BBS9: variants seen among roughly 807,000 people sequenced by gnomAD.
The protein encoded by BBS9 is Bardet-Biedl syndrome 9, also known as protein PTHB1.
Under a neutral mutation model 117.7 loss-of-function variants are expected in BBS9, and 89 were observed. That is an observed-to-expected ratio of 0.76 (90% CI 0.64 to 0.90). The LOEUF (loss-of-function observed/expected upper bound fraction) is 0.90, where lower values mean the gene tolerates loss of function less well. BBS9 is among the 40% of genes least tolerant of loss of function. BBS9 has a pLI of 0.00. For missense variants in BBS9, 982 were observed against 1,042.2 expected, an observed-to-expected ratio of 0.94 and a Z score of 0.80; for synonymous variants, 379 against 370.9, an observed-to-expected ratio of 1.02 and a Z score of -0.25.
In BBS9 at chr7:33,374,553, T is replaced by C. The variant is rs186377847; in HGVS notation, c.1789+6691T>C. Among the ~76,000 whole-genome samples the C allele has an allele frequency of 1.5e-4, 23 of 152,256 alleles. No individual in the cohort carries two copies. The East Asian group carries it at 4.5e-3, about 29-fold the overall frequency. ...GAAAAAGCCTGTTGAAAAGTAAGCG[T>C]TGAGAAACAATCCTTAGTTGCTAAT... On this transcript the variant is annotated intron_variant, in intron 17 of 22. Coordinates refer to ENST00000242067, the MANE Select transcript of BBS9 (RefSeq NM_198428.3).
At chr7:33,141,062 C>G (rs1791374548) in intron 1 of BBS9, among the ~76,000 whole-genome samples, 1 of 152,006 alleles carries the variant, frequency 6.6e-6, no homozygotes, top group South Asian at 2.1e-4. Context: ...TGATCAAAAC[C>G]ATCAAATTTG....
chr7:33,525,027 A>G (rs1849257420), intron 20 of BBS9, among the ~76,000 whole-genome samples: 1 of 151,994 alleles, frequency 6.6e-6, no homozygotes, highest in South Asian at 2.1e-4. Context: ...ATTCAGGAGC[A>G]GGTTGTTCAG....
chr7:33,146,263 T>G lies in BBS9; in HGVS notation c.11T>G (p.Phe4Cys), dbSNP rs746345067. 38 of 1,613,060 alleles carry G rather than the reference T, an allele frequency of 2.4e-5. No individual in the cohort carries two copies. Among genetic ancestry groups the G allele is most frequent in the Non-Finnish European group, 3.1e-5 (36 of 1,178,980 alleles). ...TTAGTGTGAAAGAAAATGTCTTTAT[T>G]TAAAGCCCGTGATTGGTGGTCTACT... The part of the protein sequence containing the change: MSL[F>C]KARDWWSTIL... The change falls in exon 2 of 23, where the codon TTT (phenylalanine) becomes TGT (cysteine). Residue 4 changes from phenylalanine (F) to cysteine (C), a missense_variant. Coordinates refer to ENST00000242067, the MANE Select transcript of BBS9 (RefSeq NM_198428.3).
At chr7:33,454,541 G>A (rs1378814402) in intron 19 of BBS9, among the ~76,000 whole-genome samples, 1 of 152,254 alleles carries the variant, frequency 6.6e-6, no homozygotes, top group Non-Finnish European at 1.5e-5. Context: ...TTTGATACTG[G>A]AGAAGGATTA....
chr7:33,174,693 A>G (rs1280725725), intron 4 of BBS9, among the ~76,000 whole-genome samples: 1 of 152,240 alleles, frequency 6.6e-6, no homozygotes, highest in African/African-American at 2.4e-5. Flanking sequence ...TTTAGGCTGA[A>G]CTTAAAATAT....
At chr7:33,160,842 G>A (rs917924630) in intron 4 of BBS9, among the ~76,000 whole-genome samples, 1 of 152,164 alleles carries the variant, frequency 6.6e-6, no homozygotes, top group African/African-American at 2.4e-5. Context: ...TCCTCAGTCA[G>A]CAGACTGTGA....
At chr7:33,169,436 A>G (rs967743428) in intron 4 of BBS9, among the ~76,000 whole-genome samples, 4 of 151,348 alleles carry the variant, frequency 2.6e-5, no homozygotes, top group African/African-American at 9.7e-5. Context: ...AACAGTGTAA[A>G]AGTGTTCCTA....
At chr7:33,348,848 A>G (rs1454465749) in intron 12 of BBS9, among the ~76,000 whole-genome samples, 3 of 152,194 alleles carry the variant, frequency 2.0e-5, no homozygotes, top group Admixed American at 6.5e-5. Context: ...CATATTGCCA[A>G]TCTTTATTCT....
intron 9 of BBS9, among the ~76,000 whole-genome samples, chr7:33,278,842 C>A (rs1477912395): frequency 2.6e-5 from 4 of 152,102 alleles, no homozygotes; most frequent in Admixed American, 6.5e-5. Context: ...CTGGATAAGC[C>A]CCCAAATTTG....
intron 2 of BBS9, among the ~76,000 whole-genome samples, chr7:33,151,678 T>C (rs565948129): frequency 6.6e-6 from 1 of 151,990 alleles, no homozygotes; most frequent in East Asian, 1.9e-4. Context: ...GCCTCCTGGG[T>C]AGCTGGGATT....
chr7:33,562,937 G>T (rs1856310867), intron 21 of BBS9, among the ~76,000 whole-genome samples: 1 of 151,898 alleles, frequency 6.6e-6, no homozygotes, highest in South Asian at 2.1e-4. Flanking sequence ...GAAAAAAAAA[G>T]AAAAAGAGAA....
rs554206992 is a variant in BBS9 at position 33,130,368 on chromosome 7, T to G, written c.-12+327T>G. On this transcript the variant is annotated intron_variant, in intron 1 of 22. Transcript: ENST00000242067. ...CAGCCTACGACTGAAGTAGGATGCA[T>G]GTACTAATACCCCCAATCCTTCTAG... Among the ~76,000 whole-genome samples, 4 of 152,322 alleles carry G rather than the reference T, an allele frequency of 2.6e-5. No individual in the cohort carries two copies. The East Asian group carries it at 7.7e-4, about 29-fold the overall frequency.
At chr7:33,257,859 A>G (rs1165354649) in intron 6 of BBS9, among the ~76,000 whole-genome samples, 3 of 152,246 alleles carry the variant, frequency 2.0e-5, no homozygotes, top group Non-Finnish European at 2.9e-5. Context: ...TTATAAGAAA[A>G]AAGAATATGT....
intron 21 of BBS9, among the ~76,000 whole-genome samples, chr7:33,547,917 A>G (rs1853677204): frequency 2.0e-5 from 3 of 152,178 alleles, no homozygotes; most frequent in Admixed American, 2.0e-4. Context: ...TAGTGGAAAA[A>G]TATTTGAATC....
chr7:33,581,747 C>G (rs1449973907), intron 21 of BBS9, among the ~76,000 whole-genome samples: 3 of 152,054 alleles, frequency 2.0e-5, no homozygotes, highest in African/African-American at 7.2e-5. Flanking sequence ...TTTATATGAT[C>G]TCATTTTATC....
In BBS9 at chr7:33,303,525, C is replaced by CCA. The variant is rs1439664694; in HGVS notation, c.1016+29570_1016+29571insAC. 2.9e-5 allele frequency among the ~76,000 whole-genome samples: 3 copies of CCA among 103,200 alleles called. 1 individual carries two copies. The highest frequency in any genetic ancestry group is 5.8e-5 in the Non-Finnish European group (3 of 51,288). 67.7% of individuals were successfully genotyped at this position (103,200 alleles called of 152,430 possible). A position where few individuals can be genotyped will look rare whatever the true frequency, so the allele number is the denominator to read the frequency against. On this transcript the variant is annotated intron_variant, in intron 9 of 22. Transcript: ENST00000242067. ...AGTATCAACTGAAATGATCCCCTCC[C>CCA]CCCGCCCCTTCTTTCTTTGGTCTCC...
intron 9 of BBS9, among the ~76,000 whole-genome samples, chr7:33,304,234 C>CGCA (rs1261147053): frequency 1.4e-5 from 2 of 147,874 alleles, no homozygotes; most frequent in African/African-American, 2.5e-5. Context: ...TCTGCCCGGC[C>CGCA]ACCCCATCTG....
At chr7:33,354,808 C>T (rs1030864406) in intron 15 of BBS9, among the ~76,000 whole-genome samples, 8 of 152,052 alleles carry the variant, frequency 5.3e-5, no homozygotes, top group Non-Finnish European at 1.2e-4. Context: ...TGAGAATATT[C>T]TCTCTGAGTG....
rs73101660 is a variant in BBS9, at chr7:33,349,217, T to A, written c.1432+47T>A. The A allele has an allele frequency of 0.2, 271,073 of 1,358,850 alleles. 28,948 individuals are homozygous for A. Among genetic ancestry groups the A allele is most frequent in the Non-Finnish European group, 0.23 (216,825 of 950,300 alleles). The allele number at this position is 1,358,850 out of a possible 1,614,324, so 84.2% of individuals were successfully genotyped here. On this transcript the variant is annotated intron_variant, in intron 13 of 22. Coordinates refer to ENST00000242067, the MANE Select transcript of BBS9 (RefSeq NM_198428.3). ...AAAGTCTACCATGGTGTGAATTTTTTAAAAATACTAGTTTGTTCATTTAAT... is the reference window on the plus strand; with the variant it reads ...AAAGTCTACCATGGTGTGAATTTTTAAAAAATACTAGTTTGTTCATTTAAT...
Sources: gnomAD v4.1 joint callset for allele counts (sites outside exome capture counted in the v4.1 genomes callset) on GRCh38, gnomAD v4.1.1 for gene constraint, MANE v1.5 for transcripts, NCBI Gene and HGNC (gene_info 2026-07-23, HGNC 2026-07-21) for gene names.